XPO1: variants seen among roughly 807,000 people sequenced by gnomAD.
The protein encoded by XPO1 is exportin-1.
A neutral mutation model predicts 133.3 loss-of-function variants in XPO1; 5 were observed. The ratio of observed to expected loss-of-function variants is 0.04; its 90% CI spans 0.02 to 0.08. The LOEUF is 0.08. Among genes scored for constraint, XPO1 ranks in the 10% least tolerant of loss-of-function variants. XPO1 has a pLI of 1.00. For missense variants in XPO1, 506 were observed against 1,267.5 expected, an observed-to-expected ratio of 0.40 and a Z score of 9.12; for synonymous variants, 419 against 408.2, an observed-to-expected ratio of 1.03 and a Z score of -0.32.
intron 6 of XPO1, among the ~76,000 whole-genome samples, chr2:61,500,604 GC>G (rs1305880271): frequency 1.1e-5 from 1 of 92,628 alleles, no homozygotes; most frequent in Non-Finnish European, 2.2e-5. Flanking sequence ...AAAAAGAGCA[GC>G]CTGGCCAACA....
intron 2 of XPO1, among the ~76,000 whole-genome samples, 185 bp downstream of exon 2, chr2:61,533,587 C>T (rs1699250322): frequency 6.6e-6 from 1 of 152,194 alleles, no homozygotes; most frequent in African/African-American, 2.4e-5. Flanking sequence ...AAACAACCCA[C>T]TCTAACCATG....
At chr2:61,500,589 A>AAAAAAG (rs1697460444) in intron 6 of XPO1, among the ~76,000 whole-genome samples, 1 of 149,056 alleles carries the variant, frequency 6.7e-6, no homozygotes, top group South Asian at 2.1e-4. Context: ...AAAAAAAAAA[A>AAAAAAG]AAAAAAAAAG....
At chr2:61,519,678 AAC>A (rs1698587311) in intron 4 of XPO1, among the ~76,000 whole-genome samples, 1 of 139,560 alleles carries the variant, frequency 7.2e-6, no homozygotes, top group Non-Finnish European at 1.5e-5. Flanking sequence ...CAGCCTGGGC[AAC>A]AGAGCAAGAC....
intron 18 of XPO1, 116 bp downstream of exon 18, chr2:61,488,472 T>C: frequency 8.2e-7 from 1 of 1,226,558 alleles, no homozygotes; most frequent in Non-Finnish European, 1.1e-6. Flanking sequence ...CTAGGGTCAT[T>C]TGGGAAATGG....
At chr2:61,517,696 A>T (rs1198112657) in intron 4 of XPO1, among the ~76,000 whole-genome samples, 5 of 152,124 alleles carry the variant, frequency 3.3e-5, no homozygotes, top group African/African-American at 1.2e-4. Flanking sequence ...GCAATTTGGG[A>T]CGGCAAAGTA....
At position 61,483,021 on chromosome 2, in the gene XPO1, T is replaced by C. The variant is rs763725394; in HGVS notation, c.2748A>G (p.Gln916=). 1.2e-6 allele frequency: 2 copies of C among 1,613,882 alleles called. No individual in the cohort carries two copies. The highest frequency in any genetic ancestry group is 1.7e-6 in the Non-Finnish European group (2 of 1,179,972). The change falls in exon 22 of 25, where the codon CAA becomes CAG. Residue 916 remains glutamine, a synonymous_variant. Transcript: ENST00000401558. The part of the protein sequence containing the change: ...QEEAAAQSFY[Q]TYFCDILQHI... ...GCTGGAGAATATCACAAAAATAAGT[T>C]TGATAAAAACTCTGAGCTGCAGCTT...
chr2:61,536,130 T>C (rs1226347020), intron 1 of XPO1: 3 of 152,188 alleles, frequency 2.0e-5, no homozygotes, highest in Non-Finnish European at 2.9e-5. Flanking sequence ...AAAAACGAGA[T>C]TTAGAATAGA....
rs1697359832 is a variant in XPO1 at position 61,498,692 on chromosome 2, A to T, written c.740T>A (p.Ile247Asn). 6.2e-7 allele frequency: 1 copy of T among 1,613,864 alleles called. No homozygotes were observed. Among genetic ancestry groups the T allele is most frequent in the African/African-American group, 1.3e-5 (1 of 74,940 alleles). ...CTGTACCTTATAAATCAATGTGCTGATTAATTTGGTCTCAAAAATATATCC... is the reference window on the plus strand; with the variant it reads ...CTGTACCTTATAAATCAATGTGCTGTTTAATTTGGTCTCAAAAATATATCC... ...PLGYIFETKL[I>N]STLIYKFLNV... Residue 247 changes from isoleucine (I) to asparagine (N), a missense_variant, in exon 9 of 25, where the codon ATC becomes AAC. Ile to Asn is a moderately radical substitution (Grantham distance 149, BLOSUM62 -3). Coordinates refer to ENST00000401558, the MANE Select transcript of XPO1 (RefSeq NM_003400.4).
chr2:61,489,882 G>A (rs2104401856), intron 17 of XPO1, among the ~76,000 whole-genome samples: 1 of 150,532 alleles, frequency 6.6e-6, no homozygotes, highest in East Asian at 2.0e-4. Flanking sequence ...AAATGAGAAT[G>A]GAAATTACAG....
chr2:61,533,930 C>G, intron 1 of XPO1, 27 bp from the exon 2 acceptor site: 2 of 1,497,398 alleles, frequency 1.3e-6, no homozygotes, highest in Non-Finnish European at 1.8e-6. Flanking sequence ...AAAATTGAAG[C>G]TGCCTATCAA....
intron 19 of XPO1, 70 bp downstream of exon 19, chr2:61,488,095 T>G (rs532880078): frequency 7.4e-7 from 1 of 1,349,606 alleles, no homozygotes; most frequent in African/African-American, 1.4e-5. Flanking sequence ...ATGCACATAA[T>G]AGAGTATAGC....
chr2:61,494,793 T>TG (rs1697161372), intron 11 of XPO1: 1 of 148,902 alleles, frequency 6.7e-6, no homozygotes, highest in Non-Finnish European at 1.5e-5. Context: ...TATACTTATG[T>TG]TTATATATAT....
intron 2 of XPO1, among the ~76,000 whole-genome samples, chr2:61,533,130 GAT>G (rs1444622401): frequency 6.6e-6 from 1 of 152,200 alleles, no homozygotes; most frequent in Admixed American, 6.5e-5. Context: ...AGTGAGCTGA[GAT>G]AGCGCCACTG....
chr2:61,532,181 G>A (rs1699183657), intron 2 of XPO1, among the ~76,000 whole-genome samples: 1 of 152,078 alleles, frequency 6.6e-6, no homozygotes, highest in South Asian at 2.1e-4. Context: ...AGGCTGGAGT[G>A]CAGTGGCGCA....
chr2:61,530,739 A>C lies in XPO1; in HGVS notation c.126+3033T>G, dbSNP rs527317541. On this transcript the variant is annotated intron_variant, in intron 2 of 24. Transcript: ENST00000401558. ...GTTACACATTCCTTTAAAAAAAAAA[A>C]AACCTACCTACAGCTTTTTTTCCCA... is the stretch of plus-strand genomic sequence containing the variant. Among the ~76,000 whole-genome samples, 3 of 152,012 alleles carry C rather than the reference A, an allele frequency of 2.0e-5. No homozygotes were observed. In the East Asian group the frequency reaches 5.8e-4, roughly 29 times the overall value.
chr2:61,489,080 C>G (rs1375135834), intron 17 of XPO1, among the ~76,000 whole-genome samples: 1 of 146,700 alleles, frequency 6.8e-6, no homozygotes, highest in Non-Finnish European at 1.5e-5. Context: ...CCAGCCTGGG[C>G]GAAAGAGCAA....
intron 24 of XPO1, among the ~76,000 whole-genome samples, chr2:61,479,394 G>C: frequency 6.6e-6 from 1 of 151,986 alleles, no homozygotes; most frequent in East Asian, 1.9e-4. Context: ...GGAGGTTGCA[G>C]TGAGCCAAGA....
rs572553337 is a variant in XPO1, at chr2:61,531,945, T to G, written c.126+1827A>C. Among the ~76,000 whole-genome samples, 11 of 152,302 alleles carry G rather than the reference T, an allele frequency of 7.2e-5. No individual in the cohort carries two copies. The East Asian group carries it at 1.9e-3, about 27-fold the overall frequency. The stretch of plus-strand genomic sequence containing the variant: ...AGAGTAATTTTTTCTACTTTTAGCG[T>G]TTCCATGGACCTTTTTCAAGTTTCT... On this transcript the variant is annotated intron_variant, in intron 2 of 24. Coordinates refer to ENST00000401558, the MANE Select transcript of XPO1 (RefSeq NM_003400.4).
rs566423713 is a variant in XPO1 at position 61,536,001 on chromosome 2, T to C, written c.-7+1561A>G. Among the ~76,000 whole-genome samples, 6 of 152,368 alleles carry C rather than the reference T, an allele frequency of 3.9e-5. No individual in the cohort carries two copies. The East Asian group carries it at 1.2e-3, about 29-fold the overall frequency. On this transcript the variant is annotated intron_variant, in intron 1 of 24. Transcript: ENST00000401558. ...TTTCGGTTAAATATTGAACAAACTTTTCACCTATTTACTACCATAGTTGAA... is the reference window on the plus strand; with the variant it reads ...TTTCGGTTAAATATTGAACAAACTTCTCACCTATTTACTACCATAGTTGAA...
Sources: gnomAD v4.1 joint callset for allele counts (sites outside exome capture counted in the v4.1 genomes callset) on GRCh38, gnomAD v4.1.1 for gene constraint, MANE v1.5 for transcripts, NCBI Gene and HGNC (gene_info 2026-07-23, HGNC 2026-07-21) for gene names.